SUSD3: variants seen among roughly 807,000 people sequenced by gnomAD.
The protein encoded by SUSD3 is sushi domain-containing protein 3.
Under a neutral mutation model 20.6 loss-of-function variants are expected in SUSD3, and 18 were observed. The observed-to-expected ratio is 0.87, with a 90% CI of 0.60 to 1.30. SUSD3 has a LOEUF of 1.30. Ranked by LOEUF, SUSD3 falls within the 50% of genes most tolerant of loss-of-function variation. The pLI is 0.00. For synonymous variants in SUSD3, 137 were observed against 141.5 expected (o/e 0.97, Z 0.23); for missense variants, 306 against 346.9 (o/e 0.88, Z 0.94).
At chr9:93,070,432 A>G (rs1825868055) in intron 1 of SUSD3, among the ~76,000 whole-genome samples, 1 of 152,254 alleles carries the variant, frequency 6.6e-6, no homozygotes, top group Non-Finnish European at 1.5e-5. Context: ...CCCAGGCCAG[A>G]GGCTGGCCTT....
Position 93,077,957 on chromosome 9 carries a change from A to G in SUSD3, c.389A>G (p.Lys130Arg), listed in dbSNP as rs1826236679. The part of the protein sequence containing the change: ...SMAFLTCCLL[K>R]CVKKSKRRRS... ...GCCTTCCTCACCTGCTGCCTCCTCA[A>G]GTGCGTGAAGAAGAGCAAGCGGCGG... Residue 130 changes from lysine to arginine, a missense_variant, in exon 3 of 5, where the codon AAG becomes AGG. Physicochemically the swap from Lys to Arg is conservative, Grantham distance 26. Coordinates refer to ENST00000375472, the MANE Select transcript of SUSD3 (RefSeq NM_145006.4). The G allele has an allele frequency of 6.2e-7, 1 of 1,614,078 alleles. No individual in the cohort carries two copies. Among genetic ancestry groups the G allele is most frequent in the African/African-American group, 1.3e-5 (1 of 74,938 alleles).
In SUSD3 at chr9:93,077,999, G is replaced by T; in HGVS notation, c.425+6G>T. 1 of 1,614,156 alleles carries T rather than the reference G, an allele frequency of 6.2e-7. No homozygotes were observed. On this transcript the variant is annotated splice_donor_region_variant and intron_variant, in intron 3 of 4. Transcript: ENST00000375472. ...AAGCGGCGGCGCTCCAACAGGTACG[G>T]TGGCCTCATGATCTCAGGGTCCTCC...
chr9:93,077,695 C>A, intron 2 of SUSD3, 151 bp from the exon 3 acceptor site: 1 of 715,808 alleles, frequency 1.4e-6, no homozygotes, highest in Non-Finnish European at 2.3e-6. Flanking sequence ...CACCTCACTG[C>A]CCCCTTACCA....
chr9:93,076,118 A>G, intron 2 of SUSD3, 146 bp downstream of exon 2: 1 of 685,934 alleles, frequency 1.5e-6, no homozygotes, highest in Non-Finnish European at 2.3e-6. Context: ...CAACACTGAC[A>G]GCTTGCTTAC....
chr9:93,079,614 T>C lies in SUSD3; in HGVS notation c.557+12T>C. 1 of 1,613,068 alleles carries C rather than the reference T, an allele frequency of 6.2e-7. No individual in the cohort carries two copies. The highest frequency in any genetic ancestry group is 1.7e-5 in the Admixed American group (1 of 60,000). ...CACAGCTTCACCACGTGAGCCCGGG[T>C]CTGGGTAGGGGACATGCTGGGGGAC... On this transcript the variant is annotated intron_variant, in intron 4 of 4. Coordinates refer to ENST00000375472, the MANE Select transcript of SUSD3 (RefSeq NM_145006.4).
At chr9:93,059,190 C>T (rs1437997185) in intron 1 of SUSD3, among the ~76,000 whole-genome samples, 1 of 152,074 alleles carries the variant, frequency 6.6e-6, no homozygotes, top group Non-Finnish European at 1.5e-5. Flanking sequence ...ACCGGCCTCA[C>T]CTGGCGGGCG....
chr9:93,077,112 G>A (rs146256727), intron 2 of SUSD3, among the ~76,000 whole-genome samples: 81 of 152,330 alleles, frequency 5.3e-4, no homozygotes, highest in Non-Finnish European at 9.0e-4. Flanking sequence ...AGTAAACGGT[G>A]TTGCTCAAAT....
chr9:93,060,689 A>AGC (rs1825470094), intron 1 of SUSD3, among the ~76,000 whole-genome samples: 1 of 152,010 alleles, frequency 6.6e-6, no homozygotes, highest in Non-Finnish European at 1.5e-5. Flanking sequence ...AAAAAAAATT[A>AGC]GCTGAGCATG....
intron 2 of SUSD3, 112 bp downstream of exon 2, chr9:93,076,084 G>A (rs1444461077): frequency 2.1e-6 from 2 of 943,400 alleles, no homozygotes; most frequent in Admixed American, 5.4e-5. Context: ...CAAGCAGCTA[G>A]GCCAGTGTGT....
At chr9:93,079,737 C>A in intron 4 of SUSD3, 135 bp downstream of exon 4, 2 of 900,006 alleles carry the variant, frequency 2.2e-6, no homozygotes, top group East Asian at 5.4e-5. Context: ...ACCTTAACTC[C>A]CATCTCTAAA....
At chr9:93,060,068 T>C (rs1359649366) in intron 1 of SUSD3, among the ~76,000 whole-genome samples, 1 of 152,224 alleles carries the variant, frequency 6.6e-6, no homozygotes, top group Non-Finnish European at 1.5e-5. Flanking sequence ...TAGCCTTGAC[T>C]TGCCCAAGGT....
At chr9:93,083,910 G>A (rs949394604) in intron 4 of SUSD3, among the ~76,000 whole-genome samples, 7 of 152,278 alleles carry the variant, frequency 4.6e-5, no homozygotes, top group African/African-American at 1.7e-4. Flanking sequence ...GAGGGGAGGA[G>A]AGGACATGCA....
chr9:93,062,942 C>G (rs1041841660), intron 1 of SUSD3, among the ~76,000 whole-genome samples: 8 of 152,164 alleles, frequency 5.3e-5, no homozygotes, highest in African/African-American at 1.9e-4. Context: ...GGAATCCTGG[C>G]TGTGAGTTCG....
intron 4 of SUSD3, among the ~76,000 whole-genome samples, chr9:93,081,516 G>A (rs969149655): frequency 6.6e-6 from 1 of 152,126 alleles, no homozygotes; most frequent in African/African-American, 2.4e-5. Flanking sequence ...TCTCTCGCCA[G>A]GCCCAGGGTG....
At chr9:93,078,210 C>T (rs1826253544) in intron 3 of SUSD3, among the ~76,000 whole-genome samples, 1 of 152,216 alleles carries the variant, frequency 6.6e-6, no homozygotes, top group Admixed American at 6.5e-5. Flanking sequence ...TGTGGGCCCC[C>T]AAGGCCCTGC....
At chr9:93,074,307 G>A (rs986189838) in intron 1 of SUSD3, among the ~76,000 whole-genome samples, 1 of 151,850 alleles carries the variant, frequency 6.6e-6, no homozygotes, top group Admixed American at 6.6e-5. Context: ...GCACATGCCT[G>A]TAATCCCAGC....
chr9:93,060,439 C>G (rs1234778409), intron 1 of SUSD3, among the ~76,000 whole-genome samples: 1 of 152,144 alleles, frequency 6.6e-6, no homozygotes, highest in Non-Finnish European at 1.5e-5. Context: ...ATCTGGACTC[C>G]ATCACTCCCC....
chr9:93,082,066 G>T (rs1185140651), intron 4 of SUSD3, among the ~76,000 whole-genome samples: 1 of 152,196 alleles, frequency 6.6e-6, no homozygotes, highest in Non-Finnish European at 1.5e-5. Context: ...TCATCACTGA[G>T]TGCTGACCAT....
intron 1 of SUSD3, among the ~76,000 whole-genome samples, chr9:93,063,593 A>G (rs986899644): frequency 4.6e-5 from 7 of 152,116 alleles, no homozygotes; most frequent in Non-Finnish European, 8.8e-5. Context: ...CCACAGGAAC[A>G]TGACTTTGCC....
Sources: allele counts gnomAD v4.1 joint callset (sites outside exome capture counted in the v4.1 genomes callset), GRCh38; gene constraint gnomAD v4.1.1; transcripts MANE v1.5; gene names NCBI Gene and HGNC (gene_info 2026-07-23, HGNC 2026-07-21).